The following MACROD2 variants were observed in gnomAD, a reference collection of about 807,000 sequenced individuals.
MACROD2 encodes the protein ADP-ribose glycohydrolase MACROD2.
MACROD2 carries 36 observed loss-of-function variants against 70.4 expected under a neutral mutation model. The ratio of observed to expected loss-of-function variants is 0.51; its 90% CI spans 0.39 to 0.68. MACROD2 has a LOEUF of 0.68. MACROD2 is among the 30% of genes least tolerant of loss of function. The pLI is 0.00. For synonymous variants in MACROD2, 172 were observed against 178.8 expected (o/e 0.96, Z 0.30); for missense variants, 496 against 538.4 (o/e 0.92, Z 0.78).
chr20:15,137,311 G>A (rs1415528786), intron 5 of MACROD2, among the ~76,000 whole-genome samples: 4 of 151,992 alleles, frequency 2.6e-5, no homozygotes, highest in African/African-American at 7.2e-5. Flanking sequence ...AACCAACCCA[G>A]ATGTCCAACA....
chr20:14,262,476 C>T (rs534028119), intron 3 of MACROD2, among the ~76,000 whole-genome samples: 3 of 151,950 alleles, frequency 2.0e-5, no homozygotes, highest in South Asian at 4.2e-4. Flanking sequence ...GAAGATCTAC[C>T]TGGAAGTGTC....
intron 3 of MACROD2, among the ~76,000 whole-genome samples, chr20:14,203,570 A>G (rs1239231285): frequency 6.6e-6 from 1 of 152,100 alleles, no homozygotes; most frequent in Non-Finnish European, 1.5e-5. Flanking sequence ...AATCATATCC[A>G]TAGTGTTTGT....
chr20:14,115,951 C>T (rs1391678138), intron 3 of MACROD2, among the ~76,000 whole-genome samples: 1 of 152,022 alleles, frequency 6.6e-6, no homozygotes, highest in South Asian at 2.1e-4. Flanking sequence ...GTCAGTAAGC[C>T]GAGATATTAG....
At chr20:14,024,387 C>A (rs919677656) in intron 2 of MACROD2, among the ~76,000 whole-genome samples, 2 of 152,286 alleles carry the variant, frequency 1.3e-5, no homozygotes, top group South Asian at 2.1e-4. Context: ...TTATTTCTTT[C>A]TTTTGCGTGA....
intron 8 of MACROD2, among the ~76,000 whole-genome samples, chr20:15,817,715 A>G (rs2063892396): frequency 6.6e-6 from 1 of 151,610 alleles, no homozygotes; most frequent in Non-Finnish European, 1.5e-5. Context: ...CACCCTTCTA[A>G]TCTCTCTGTC....
At chr20:16,045,788 A>G (rs1191839686) in intron 17 of MACROD2, among the ~76,000 whole-genome samples, 1 of 152,140 alleles carries the variant, frequency 6.6e-6, no homozygotes, top group African/African-American at 2.4e-5. Flanking sequence ...AGAGATGAGC[A>G]AAAGCAATCA....
intron 8 of MACROD2, among the ~76,000 whole-genome samples, chr20:15,609,131 G>T (rs996339845): frequency 2.0e-5 from 3 of 152,058 alleles, no homozygotes; most frequent in Non-Finnish European, 2.9e-5. Context: ...ATTCCAATTT[G>T]CTTTCTGGCT....
At chr20:15,433,753 A>C (rs1179839996) in intron 7 of MACROD2, among the ~76,000 whole-genome samples, 1 of 18,538 alleles carries the variant, frequency 5.4e-5, no homozygotes, top group Non-Finnish European at 1.1e-4. Context: ...AATATTAAGC[A>C]AAAAAAAAAA....
At chr20:14,035,085 A>G (rs1430713306) in intron 2 of MACROD2, among the ~76,000 whole-genome samples, 1 of 152,186 alleles carries the variant, frequency 6.6e-6, no homozygotes, top group Non-Finnish European at 1.5e-5. Flanking sequence ...TTGATTTTCA[A>G]ATACTGGTGT....
At chr20:14,270,493 G>T (rs955703441) in intron 3 of MACROD2, among the ~76,000 whole-genome samples, 11 of 151,588 alleles carry the variant, frequency 7.3e-5, no homozygotes, top group Non-Finnish European at 1.5e-4. Flanking sequence ...GGAGGCTGAA[G>T]CAGGAGAATT....
chr20:14,156,472 G>C (rs2055105692), intron 3 of MACROD2, among the ~76,000 whole-genome samples: 1 of 152,110 alleles, frequency 6.6e-6, no homozygotes, highest in Admixed American at 6.5e-5. Context: ...ATTGATTCTT[G>C]TAGTACCTAA....
chr20:14,911,856 TG>T (rs1450762648), intron 5 of MACROD2, among the ~76,000 whole-genome samples: 1 of 152,098 alleles, frequency 6.6e-6, no homozygotes, highest in Non-Finnish European at 1.5e-5. Flanking sequence ...ATTTTACAGA[TG>T]GGGAAACTGA....
At chr20:14,067,638 A>G (rs372641595) in intron 2 of MACROD2, among the ~76,000 whole-genome samples, 4 of 152,278 alleles carry the variant, frequency 2.6e-5, no homozygotes, top group African/African-American at 9.6e-5. Flanking sequence ...TTTTTTAACT[A>G]AATTGTTTTT....
intron 5 of MACROD2, among the ~76,000 whole-genome samples, chr20:14,741,524 G>A (rs1028230976): frequency 1.3e-5 from 2 of 151,906 alleles, no homozygotes; most frequent in African/African-American, 2.4e-5. Context: ...TAACTTGTTA[G>A]GTAATTTAAT....
chr20:15,962,167 C>A (rs1053430373), intron 12 of MACROD2, among the ~76,000 whole-genome samples: 1 of 152,176 alleles, frequency 6.6e-6, no homozygotes, highest in African/African-American at 2.4e-5. Context: ...CACTATCAAC[C>A]TTTATTTTGT....
At chr20:15,551,934 T>C (rs1240975101) in intron 8 of MACROD2, among the ~76,000 whole-genome samples, 2 of 152,116 alleles carry the variant, frequency 1.3e-5, no homozygotes, top group African/African-American at 4.8e-5. Flanking sequence ...TTTTTATTTA[T>C]GATAATTATA....
intron 3 of MACROD2, among the ~76,000 whole-genome samples, chr20:14,196,079 C>T (rs2081429443): frequency 6.6e-6 from 1 of 152,090 alleles, no homozygotes; most frequent in Non-Finnish European, 1.5e-5. Context: ...CACAGCCTGC[C>T]CGTCTGTATG....
intron 3 of MACROD2, among the ~76,000 whole-genome samples, chr20:14,132,129 C>CAAAA (rs34790385): frequency 1.0e-5 from 1 of 96,596 alleles, no homozygotes; most frequent in South Asian, 4.0e-4. Flanking sequence ...AGACTCTATC[C>CAAAA]AAAAAAAAAA....
chr20:15,113,800 G>GTGTGTGTGTGTGTGT (rs1568580676), intron 5 of MACROD2, among the ~76,000 whole-genome samples: 7 of 148,300 alleles, frequency 4.7e-5, no homozygotes, highest in South Asian at 4.2e-4. Flanking sequence ...GTGTGTGTGT[G>GTGTGTGTGTGTGTGT]CTGGAGGGGT....
Sources: allele counts gnomAD v4.1 joint callset (sites outside exome capture counted in the v4.1 genomes callset), GRCh38; gene constraint gnomAD v4.1.1; transcripts MANE v1.5; gene names NCBI Gene and HGNC (gene_info 2026-07-23, HGNC 2026-07-21).